The following ANKRD28 variants were observed in gnomAD, a reference collection of about 807,000 sequenced individuals.
ANKRD28 encodes the protein ankyrin repeat domain 28.
Under a neutral mutation model 126.5 loss-of-function variants are expected in ANKRD28, and 44 were observed. That is an observed-to-expected ratio of 0.35 (90% CI 0.27 to 0.45). ANKRD28 has a LOEUF of 0.45. Ranked by LOEUF, ANKRD28 falls within the 20% of genes least tolerant of loss-of-function variation. The probability of loss-of-function intolerance (pLI) is 1.00; values close to 1 mark genes in which losing one functional copy is unlikely to be tolerated. For synonymous variants in ANKRD28, 442 were observed against 468.5 expected (o/e 0.94, Z 0.73); for missense variants, 1,110 against 1,316.6 (o/e 0.84, Z 2.43).
At chr3:15,823,386 C>T (rs776145491) in intron 1 of ANKRD28, among the ~76,000 whole-genome samples, 2 of 152,118 alleles carry the variant, frequency 1.3e-5, no homozygotes. Flanking sequence ...CCTGCTATAA[C>T]AAATAAAGAG....
At chr3:15,796,108 A>G (rs1215043766) in intron 1 of ANKRD28, among the ~76,000 whole-genome samples, 1 of 152,178 alleles carries the variant, frequency 6.6e-6, no homozygotes, top group African/African-American at 2.4e-5. Flanking sequence ...CAGTTTCTGA[A>G]ACCACAAAAT....
In ANKRD28 at chr3:15,853,250, A is replaced by G. The variant is rs928113264; in HGVS notation, c.27+6127T>C. Among the ~76,000 whole-genome samples, 3 of 152,226 alleles carry G rather than the reference A, an allele frequency of 2.0e-5. No individual in the cohort carries two copies. Among genetic ancestry groups the G allele is most frequent in the Admixed American group, 6.5e-5 (1 of 15,290 alleles). ...GAACCGCCCATAGGATACATTATTC[A>G]AAACAAAAGACCTAATCCTGAACTA... On this transcript the variant is annotated intron_variant, in intron 1 of 27. Coordinates refer to the ANKRD28 transcript ENST00000399451. This position sits in a 1 kb window ranked among gnomAD's most constrained non-coding sequence, Gnocchi z 4.2.
intron 2 of ANKRD28, among the ~76,000 whole-genome samples, chr3:15,780,690 T>C (rs541013673): frequency 1.1e-4 from 17 of 152,088 alleles, no homozygotes; most frequent in Non-Finnish European, 1.8e-4. Flanking sequence ...GCTACTGTAA[T>C]CAAGACAGCA....
At chr3:15,806,805 A>G (rs2125870193) in intron 1 of ANKRD28, among the ~76,000 whole-genome samples, 1 of 152,316 alleles carries the variant, frequency 6.6e-6, no homozygotes, top group South Asian at 2.1e-4. Context: ...TACAGGCATG[A>G]GCCACCATGT....
chr3:15,799,038 T>C (rs1371608283), upstream of ANKRD28, among the ~76,000 whole-genome samples: 2 of 152,198 alleles, frequency 1.3e-5, no homozygotes, highest in East Asian at 1.9e-4. Context: ...CAAAGTTGTA[T>C]AAATTAATAA....
chr3:15,802,108 C>T (rs1340185435), upstream of ANKRD28, among the ~76,000 whole-genome samples: 1 of 152,190 alleles, frequency 6.6e-6, no homozygotes, highest in African/African-American at 2.4e-5. Context: ...ATAAAGACTA[C>T]ATTTCTCAGC....
In ANKRD28 at chr3:15,720,963, T is replaced by A. The variant is rs560546966; in HGVS notation, c.948A>T (p.Ala316=). ...LHFAAASTHG[A]LCLELLVGNG... Reference sequence around the variant, plus strand: ...TGCCAACTAGAAGCTCTAAACACAATGCTCCATGTGTTGATGCAGCAGCAA... The same window carrying A: ...TGCCAACTAGAAGCTCTAAACACAAAGCTCCATGTGTTGATGCAGCAGCAA... The change falls in exon 8 of 28, where the codon GCA becomes GCT. Residue 316 remains alanine, a synonymous_variant. Coordinates refer to ENST00000683139, the MANE Select transcript of ANKRD28 (RefSeq NM_001349278.2). 20 of 1,613,808 alleles carry A rather than the reference T, an allele frequency of 1.2e-5. No homozygotes were observed. The highest frequency in any genetic ancestry group is 2.7e-5 in the African/African-American group (2 of 74,930).
intron 2 of ANKRD28, among the ~76,000 whole-genome samples, chr3:15,772,074 G>C (rs1363481171): frequency 6.6e-6 from 1 of 152,090 alleles, no homozygotes; most frequent in African/African-American, 2.4e-5. Context: ...GGGGGATAAA[G>C]TTAAAGCAAT....
At chr3:15,694,871 C>T in intron 16 of ANKRD28, 58 bp from the exon 17 acceptor site, 1 of 1,494,328 alleles carries the variant, frequency 6.7e-7, no homozygotes, top group African/African-American at 1.4e-5. Flanking sequence ...ATTATTCTCT[C>T]CCACCCACCC....
intron 1 of ANKRD28, among the ~76,000 whole-genome samples, chr3:15,809,100 A>G (rs2060651594): frequency 6.6e-6 from 1 of 151,846 alleles, no homozygotes; most frequent in South Asian, 2.1e-4. Context: ...CTGAATTCCC[A>G]TGTTGGTTAA....
chr3:15,677,410 GAA>G, intron 25 of ANKRD28, 68 bp downstream of exon 25: 3 of 1,152,668 alleles, frequency 2.6e-6, no homozygotes, highest in Non-Finnish European at 3.9e-6. Flanking sequence ...TCATTTTAGT[GAA>G]GTCAAAAAAC....
intron 6 of ANKRD28, chr3:15,731,765 G>C (rs575693859): frequency 6.9e-6 from 1 of 144,724 alleles, no homozygotes; most frequent in Non-Finnish European, 1.5e-5. Flanking sequence ...CAGAAGAATC[G>C]CTTGAACCTG....
chr3:15,796,994 T>C lies in ANKRD28; in HGVS notation c.-473A>G, dbSNP rs2060306496. On this transcript the variant is annotated 5_prime_UTR_variant, in exon 1 of 28. It adds an upstream start codon to the 5' untranslated region. Coordinates refer to ENST00000683139, the MANE Select transcript of ANKRD28 (RefSeq NM_001349278.2). Reference sequence around the variant, plus strand: ...ATACCCACTCTTGCCTGCAAGGTCATATAGTTACCAGTAGCTGTTTTGCTT... The same window carrying C: ...ATACCCACTCTTGCCTGCAAGGTCACATAGTTACCAGTAGCTGTTTTGCTT... 1 of 985,210 alleles carries C rather than the reference T, an allele frequency of 1.0e-6. No homozygotes were observed. Among genetic ancestry groups the C allele is most frequent in the African/African-American group, 1.7e-5 (1 of 57,210 alleles). 61.0% of individuals were successfully genotyped at this position (985,210 alleles called of 1,614,324 possible).
rs561143356 is a variant in ANKRD28 at position 15,776,764 on chromosome 3, A to G, written c.202-10452T>C. 8.5e-5 allele frequency among the ~76,000 whole-genome samples: 13 copies of G among 152,282 alleles called. 1 individual carries two copies. The South Asian group carries it at 2.7e-3, about 32-fold the overall frequency. ...TTTACATAAGTTTATTATATTTCCT[A>G]ATTTTAAAAAAGTTAAAAGGAGGAG... On this transcript the variant is annotated intron_variant, in intron 2 of 27. Transcript: ENST00000683139.
At chr3:15,723,049 A>G (rs2073888270) in intron 7 of ANKRD28, among the ~76,000 whole-genome samples, 1 of 152,206 alleles carries the variant, frequency 6.6e-6, no homozygotes. Flanking sequence ...AATGTAACTG[A>G]CTGTCAATAA....
At chr3:15,832,658 T>C (rs2061231190) in intron 1 of ANKRD28, among the ~76,000 whole-genome samples, 2 of 152,180 alleles carry the variant, frequency 1.3e-5, no homozygotes, top group South Asian at 2.1e-4. Flanking sequence ...CCTTGGTATG[T>C]CCCATATACC....
intron 3 of ANKRD28, chr3:15,756,563 G>A: frequency 2.1e-6 from 2 of 955,486 alleles, no homozygotes; most frequent in Non-Finnish European, 2.5e-6. Context: ...TGGGTTAGTG[G>A]AAGGAACACT....
intron 1 of ANKRD28, among the ~76,000 whole-genome samples, chr3:15,806,830 C>A (rs925044273): frequency 6.6e-6 from 1 of 152,074 alleles, no homozygotes; most frequent in East Asian, 1.9e-4. Flanking sequence ...CCCATCATGA[C>A]ATCTTAATGG....
intron 8 of ANKRD28, 94 bp from the exon 9 acceptor site, chr3:15,714,750 ATAAC>A: frequency 2.5e-6 from 2 of 815,370 alleles, no homozygotes; most frequent in Non-Finnish European, 3.6e-6. Flanking sequence ...CTTTATTTTT[ATAAC>A]TATTTTACAT....
Sources: gnomAD v4.1 joint callset for allele counts (sites outside exome capture counted in the v4.1 genomes callset) on GRCh38, gnomAD v4.1.1 for gene constraint, Gnocchi (gnomAD v3.1) non-coding constraint, MANE v1.5 for transcripts, NCBI Gene and HGNC (gene_info 2026-07-23, HGNC 2026-07-21) for gene names.